Variants in BMAL1 observed in about 807,000 individuals in gnomAD.
BMAL1 encodes the protein basic helix-loop-helix ARNT-like protein 1.
the BMAL1 span, among the ~76,000 whole-genome samples, chr11:13,327,987 G>A: frequency 6.6e-6 from 1 of 151,858 alleles, no homozygotes; most frequent in African/African-American, 2.4e-5. Flanking sequence ...TTGTATTTAA[G>A]GGTTGTTGGG....
the BMAL1 span, among the ~76,000 whole-genome samples, chr11:13,344,453 A>C: frequency 1.3e-5 from 2 of 152,198 alleles, no homozygotes; most frequent in African/African-American, 4.8e-5. Context: ...TCATGCTGTC[A>C]TGTACTTATT....
the BMAL1 span, among the ~76,000 whole-genome samples, chr11:13,300,152 G>A: frequency 2.0e-5 from 3 of 151,978 alleles, no homozygotes; most frequent in African/African-American, 7.3e-5. Flanking sequence ...TGGGCCCCTC[G>A]TCTTCCCTAT....
chr11:13,285,012 C>CG, the BMAL1 span, among the ~76,000 whole-genome samples: 228 of 152,268 alleles, frequency 1.5e-3, 1 homozygote, highest in African/African-American at 4.9e-3. Flanking sequence ...CTCTGGCTAG[C>CG]GGGGTCTTTG....
chr11:13,361,092 A>G, the BMAL1 span, among the ~76,000 whole-genome samples: 2 of 152,234 alleles, frequency 1.3e-5, no homozygotes, highest in Non-Finnish European at 2.9e-5. Flanking sequence ...CAACAGAGTG[A>G]GACTCTGTCT....
At chr11:13,330,299 G>A in the BMAL1 span, among the ~76,000 whole-genome samples, 1 of 152,184 alleles carries the variant, frequency 6.6e-6, no homozygotes, top group African/African-American at 2.4e-5. Flanking sequence ...GTGTCTGTGG[G>A]TGTTTACAGT....
the BMAL1 span, among the ~76,000 whole-genome samples, chr11:13,328,793 A>G: frequency 6.6e-6 from 1 of 152,220 alleles, no homozygotes; most frequent in Non-Finnish European, 1.5e-5. Flanking sequence ...CTCATTACAA[A>G]GGGAGGATCA....
At chr11:13,344,042 C>T in the BMAL1 span, among the ~76,000 whole-genome samples, 1 of 152,156 alleles carries the variant, frequency 6.6e-6, no homozygotes, top group Non-Finnish European at 1.5e-5. Flanking sequence ...ACCCTGACCC[C>T]TGACAACCAG....
chr11:13,366,630 A>C, the BMAL1 span: 1 of 1,556,694 alleles, frequency 6.4e-7, no homozygotes, highest in South Asian at 1.1e-5. Context: ...TCTGCATGCA[A>C]TTGACTTGTC....
chr11:13,293,817 G>C, the BMAL1 span, among the ~76,000 whole-genome samples: 1 of 152,246 alleles, frequency 6.6e-6, no homozygotes, highest in Admixed American at 6.5e-5. Flanking sequence ...TATAGCCCAT[G>C]AATGTGAACT....
the BMAL1 span, among the ~76,000 whole-genome samples, chr11:13,284,266 A>T: frequency 0.55 from 24,542 of 44,512 alleles, 6,575 homozygotes; most frequent in East Asian, 0.79. Flanking sequence ...ATATATATAT[A>T]TTTTTTTTTT....
chr11:13,310,273 G>A, the BMAL1 span, among the ~76,000 whole-genome samples: 1 of 152,156 alleles, frequency 6.6e-6, no homozygotes, highest in Non-Finnish European at 1.5e-5. Flanking sequence ...CAGAGGAGGG[G>A]AACCAAGGGG....
At chr11:13,284,222 A>G in the BMAL1 span, among the ~76,000 whole-genome samples, 14 of 13,112 alleles carry the variant, frequency 1.1e-3, no homozygotes, top group Admixed American at 4.3e-3. Context: ...GTATATATAT[A>G]TATATGTGTG....
At chr11:13,327,932 C>G in the BMAL1 span, among the ~76,000 whole-genome samples, 86,156 of 134,056 alleles carry the variant, frequency 0.64, 24,676 homozygotes, top group Middle Eastern at 0.71. Context: ...CATTGTGCTA[C>G]TCCACATTCA....
chr11:13,378,527 A>G, the BMAL1 span: 4 of 1,541,122 alleles, frequency 2.6e-6, no homozygotes, highest in Non-Finnish European at 3.5e-6. Context: ...ATATTTTGCA[A>G]TGTCAGGAGA....
chr11:13,365,633 C>A, the BMAL1 span: 2 of 1,521,144 alleles, frequency 1.3e-6, no homozygotes, highest in South Asian at 1.1e-5. Context: ...AGCCTCACAG[C>A]AGTCAGAAGT....
At chr11:13,295,725 A>T in the BMAL1 span, among the ~76,000 whole-genome samples, 1 of 152,220 alleles carries the variant, frequency 6.6e-6, no homozygotes, top group Non-Finnish European at 1.5e-5. Context: ...AAATTTGCAT[A>T]CAAGAGTCCA....
chr11:13,283,715 C>T, the BMAL1 span, among the ~76,000 whole-genome samples: 2 of 152,114 alleles, frequency 1.3e-5, no homozygotes, highest in African/African-American at 4.8e-5. Context: ...TCTTTTAGAG[C>T]GGAGCTGCCT....
the BMAL1 span, among the ~76,000 whole-genome samples, chr11:13,358,786 A>G: frequency 6.6e-6 from 1 of 152,188 alleles, no homozygotes; most frequent in Non-Finnish European, 1.5e-5. Flanking sequence ...TTTGACATGC[A>G]ATTTTGCAGT....
At chr11:13,339,916 G>T in the BMAL1 span, among the ~76,000 whole-genome samples, 1 of 152,202 alleles carries the variant, frequency 6.6e-6, no homozygotes, top group African/African-American at 2.4e-5. Flanking sequence ...CCCATCTGCA[G>T]CACTGCCATG....
Sources: gnomAD v4.1 joint callset for allele counts (sites outside exome capture counted in the v4.1 genomes callset) on GRCh38, gnomAD v4.1.1 for gene constraint, MANE v1.5 for transcripts, NCBI Gene and HGNC (gene_info 2026-07-23, HGNC 2026-07-21) for gene names.